Variants in EYS observed in about 807,000 individuals in gnomAD.
EYS encodes the protein protein eyes shut homolog.
In EYS, 250 loss-of-function variants were observed where a neutral mutation model predicts 282.1. That is an observed-to-expected ratio of 0.89 (90% confidence interval 0.80 to 0.98). EYS has a LOEUF of 0.98. Ranked by LOEUF, EYS falls within the 50% of genes least tolerant of loss-of-function variation. EYS has a pLI of 0.00. For synonymous variants in EYS, 1,355 were observed against 1,282.9 expected (o/e 1.06, Z -1.20); for missense variants, 4,016 against 3,709.0 (o/e 1.08, Z -2.15).
At chr6:65,428,981 G>A (rs565350857) in intron 5 of EYS, among the ~76,000 whole-genome samples, 70 of 152,038 alleles carry the variant, frequency 4.6e-4, no homozygotes, top group African/African-American at 1.6e-3. Flanking sequence ...TCGGGAGTTC[G>A]AGACCAGCCT....
intron 12 of EYS, among the ~76,000 whole-genome samples, chr6:65,229,827 C>A (rs496597): frequency 0.33 from 49,969 of 151,478 alleles, 9,415 homozygotes; most frequent in African/African-American, 0.52. Context: ...TGAGATGTTG[C>A]ATTTACTGCA....
intron 35 of EYS, among the ~76,000 whole-genome samples, chr6:63,879,050 G>C (rs1367759921): frequency 4.6e-5 from 7 of 152,096 alleles, no homozygotes. Context: ...ATTCACGTTG[G>C]GAGCTGTAGA....
chr6:65,425,674 G>T (rs1328676996), intron 5 of EYS, among the ~76,000 whole-genome samples: 1 of 152,040 alleles, frequency 6.6e-6, no homozygotes, highest in African/African-American at 2.4e-5. Context: ...AGTGAGCAGA[G>T]GCTAAGAATC....
At position 64,221,571 on chromosome 6, in the gene EYS, A is replaced by G. The variant is rs183094585; in HGVS notation, c.6424+9021T>C. Among the ~76,000 whole-genome samples the G allele has an allele frequency of 1.1e-3, 162 of 152,276 alleles. 1 individual carries two copies. Among genetic ancestry groups the G allele is most frequent in the Non-Finnish European group, 1.6e-4 (11 of 68,012 alleles). On this transcript the variant is annotated intron_variant, in intron 31 of 42. Coordinates refer to ENST00000503581, the MANE Select transcript of EYS (RefSeq NM_001142800.2). ...ATAGCAACAGAAAATGGGCTAAGAC[A>G]ATCTGATATTACAGTAGTTTTTCCT...
intron 22 of EYS, among the ~76,000 whole-genome samples, chr6:64,670,581 T>C (rs1373865914): frequency 6.6e-6 from 1 of 152,134 alleles, no homozygotes; most frequent in African/African-American, 2.4e-5. Context: ...ACATTTTGCA[T>C]TTCTGTATTT....
At chr6:65,423,120 T>C (rs1012103050) in intron 5 of EYS, among the ~76,000 whole-genome samples, 2 of 151,814 alleles carry the variant, frequency 1.3e-5, no homozygotes, top group Non-Finnish European at 2.9e-5. Context: ...CTCACCCACA[T>C]AAAAATTAAA....
intron 36 of EYS, among the ~76,000 whole-genome samples, chr6:63,843,824 G>T (rs1936519655): frequency 6.6e-6 from 1 of 152,138 alleles, no homozygotes; most frequent in African/African-American, 2.4e-5. Flanking sequence ...GTTTGCAGAC[G>T]ACATGATTGT....
At chr6:64,436,676 T>A (rs1346255930) in intron 27 of EYS, among the ~76,000 whole-genome samples, 1 of 151,798 alleles carries the variant, frequency 6.6e-6, no homozygotes, top group Non-Finnish European at 1.5e-5. Context: ...GAAGGCAAAC[T>A]TCAAGATTGT....
At chr6:64,269,778 G>T (rs1391374529) in intron 30 of EYS, among the ~76,000 whole-genome samples, 1 of 151,676 alleles carries the variant, frequency 6.6e-6, no homozygotes, top group Non-Finnish European at 1.5e-5. Flanking sequence ...ACCTCTAAAA[G>T]GTCTCTGTGA....
intron 5 of EYS, among the ~76,000 whole-genome samples, chr6:65,460,048 T>C (rs1204248125): frequency 2.2e-5 from 3 of 136,468 alleles, no homozygotes; most frequent in African/African-American, 8.1e-5. Flanking sequence ...ATCACTGATA[T>C]ATGTGTGTAT....
intron 5 of EYS, among the ~76,000 whole-genome samples, chr6:65,429,253 A>G (rs1229898113): frequency 2.0e-5 from 3 of 152,140 alleles, no homozygotes; most frequent in Non-Finnish European, 4.4e-5. Context: ...GGGCCAGTGC[A>G]TGGTGTGCAA....
chr6:64,981,366 A>C (rs1326888798), intron 14 of EYS, among the ~76,000 whole-genome samples: 1 of 151,240 alleles, frequency 6.6e-6, no homozygotes, highest in Non-Finnish European at 1.5e-5. Flanking sequence ...AGTTTGTATG[A>C]TAGCCTACCA....
chr6:65,453,044 T>C (rs575476850), intron 5 of EYS, among the ~76,000 whole-genome samples: 6 of 152,054 alleles, frequency 3.9e-5, no homozygotes, highest in Non-Finnish European at 7.4e-5. Context: ...CAGCCTGAAG[T>C]TGATTACTTG....
intron 22 of EYS, among the ~76,000 whole-genome samples, chr6:64,740,715 CT>C (rs5876919): frequency 0.91 from 116,021 of 127,958 alleles, 53,161 homozygotes; most frequent in East Asian, 0.99. Flanking sequence ...AATATGTCCA[CT>C]TTTTTTTTTT....
chr6:64,894,782 C>G lies in EYS; in HGVS notation c.2846+7331G>C, dbSNP rs115059949. 2.1e-3 allele frequency among the ~76,000 whole-genome samples: 314 copies of G among 152,188 alleles called. 2 individuals carry two copies. The highest frequency in any genetic ancestry group is 7.2e-3 in the African/African-American group (299 of 41,528). On this transcript the variant is annotated intron_variant, in intron 18 of 42. Coordinates refer to ENST00000503581, the MANE Select transcript of EYS (RefSeq NM_001142800.2). ...GCTGAATACTGGTTCTGAAAGTATA[C>G]TTATCTCTGCAATGCTACTGATCCA...
At chr6:64,454,466 T>C (rs1475693253) in intron 26 of EYS, among the ~76,000 whole-genome samples, 1 of 152,180 alleles carries the variant, frequency 6.6e-6, no homozygotes, top group Admixed American at 6.6e-5. Context: ...CCATTGATTT[T>C]ACTGAAAATG....
intron 35 of EYS, among the ~76,000 whole-genome samples, chr6:63,912,536 T>C (rs1764282535): frequency 6.6e-6 from 1 of 152,204 alleles, no homozygotes. Flanking sequence ...CACAACTCAA[T>C]TCAGACTAGC....
At chr6:65,397,085 C>G (rs1766305357) in intron 7 of EYS, among the ~76,000 whole-genome samples, 1 of 151,860 alleles carries the variant, frequency 6.6e-6, no homozygotes, top group Admixed American at 6.6e-5. Context: ...ATATGAGTGT[C>G]CCAAGTCTCA....
chr6:64,690,168 G>A (rs978862727), intron 22 of EYS, among the ~76,000 whole-genome samples: 1 of 151,922 alleles, frequency 6.6e-6, no homozygotes, highest in Admixed American at 6.6e-5. Context: ...GTGGGCGAAG[G>A]ATATGAACAG....
Sources: allele counts gnomAD v4.1 joint callset (sites outside exome capture counted in the v4.1 genomes callset), GRCh38; gene constraint gnomAD v4.1.1; transcripts MANE v1.5; gene names NCBI Gene and HGNC (gene_info 2026-07-23, HGNC 2026-07-21).